The following CABIN1 variants were observed in gnomAD, a reference collection of about 807,000 sequenced individuals.
The protein encoded by CABIN1 is calcineurin-binding protein cabin-1.
A neutral mutation model predicts 227.7 loss-of-function variants in CABIN1; 133 were observed. The ratio of observed to expected loss-of-function variants is 0.58; its 90% CI spans 0.51 to 0.67. The LOEUF is 0.67. CABIN1 is among the 30% of genes least tolerant of loss of function. The pLI is 0.00. For missense variants in CABIN1, 2,408 were observed against 2,852.5 expected (o/e 0.84, Z 3.55); for synonymous variants, 1,086 against 1,155.1 (o/e 0.94, Z 1.21).
chr22:24,030,471 AGGAT>A (rs1367178926), intron 1 of CABIN1, among the ~76,000 whole-genome samples: 2 of 152,216 alleles, frequency 1.3e-5, no homozygotes, highest in African/African-American at 2.4e-5. Context: ...GTAAATGTCT[AGGAT>A]GGACTGGAGA....
chr22:24,065,011 C>T (rs1456924230), intron 15 of CABIN1, among the ~76,000 whole-genome samples: 4 of 152,198 alleles, frequency 2.6e-5, no homozygotes, highest in Non-Finnish European at 4.4e-5. Context: ...CATCATGGCC[C>T]GTTCTCAATG....
intron 3 of CABIN1, among the ~76,000 whole-genome samples, chr22:24,037,867 G>T (rs1337964621): frequency 6.6e-6 from 1 of 152,102 alleles, no homozygotes; most frequent in Non-Finnish European, 1.5e-5. Flanking sequence ...TAAAATCAGG[G>T]ATTCTCACCC....
chr22:24,026,162 C>T (rs1329966777), intron 1 of CABIN1, among the ~76,000 whole-genome samples: 1 of 152,002 alleles, frequency 6.6e-6, no homozygotes, highest in Non-Finnish European at 1.5e-5. Flanking sequence ...TTTGTAGAAA[C>T]GAGGTCTCAC....
intron 33 of CABIN1, 92 bp from the exon 34 acceptor site, chr22:24,171,621 C>T: frequency 1.4e-6 from 2 of 1,471,172 alleles, no homozygotes; most frequent in Non-Finnish European, 1.9e-6. Flanking sequence ...CACAGGATGT[C>T]CTGTGGGACA....
chr22:24,031,872 A>G (rs1387234585), intron 1 of CABIN1, among the ~76,000 whole-genome samples: 2 of 152,218 alleles, frequency 1.3e-5, no homozygotes, highest in African/African-American at 2.4e-5. Flanking sequence ...ACCAGAGCCT[A>G]TCTGAGACTT....
intron 27 of CABIN1, 40 bp downstream of exon 27, chr22:24,113,788 G>A: frequency 6.2e-7 from 1 of 1,608,158 alleles, no homozygotes; most frequent in Non-Finnish European, 8.5e-7. Context: ...CCACTTTGAT[G>A]TCCTGTGGCA....
At chr22:24,122,662 C>G (rs1289535641) in intron 28 of CABIN1, among the ~76,000 whole-genome samples, 1 of 151,994 alleles carries the variant, frequency 6.6e-6, no homozygotes, top group Non-Finnish European at 1.5e-5. Context: ...GAGCCGAGAT[C>G]ACGTCATTTC....
At chr22:24,042,874 G>GTTCAAGGAGAGATCTGAC (rs2037527791) in intron 5 of CABIN1, 30 bp from the exon 6 acceptor site, 1 of 1,387,076 alleles carries the variant, frequency 7.2e-7, no homozygotes, top group African/African-American at 1.5e-5. Flanking sequence ...GTGTGTGTGT[G>GTTCAAGGAGAGATCTGAC]TGTTTGCCCT....
Position 24,036,075 on chromosome 22 carries a change from A to C in CABIN1, c.4-14A>C. 1 of 1,594,446 alleles carries C rather than the reference A, an allele frequency of 6.3e-7. No homozygotes were observed. The highest frequency in any genetic ancestry group is 8.6e-7 in the Non-Finnish European group (1 of 1,162,652). On this transcript the variant is annotated splice_polypyrimidine_tract_variant and intron_variant, in intron 2 of 36. Transcript: ENST00000263119. ...CAAAGCAACTTGTCTCTTCCACCAA[A>C]CCCCTGTTTCTAGATTCGAATTGCA...
rs1290113645 is a variant in CABIN1 at position 24,061,982 on chromosome 22, C to T, written c.1653C>T (p.Leu551=). ...TGATGTCTCTCTCCTGCATGGAACT[C>T]CAGCTGGACCAGTGGCTGCTGACCA... is the stretch of plus-strand genomic sequence containing the variant. ...MMLMSLSCME[L]QLDQWLLTKG... The change falls in exon 13 of 37, where the codon CTC becomes CTT. Residue 551 remains leucine (L), a synonymous_variant. Coordinates refer to ENST00000263119, the MANE Select transcript of CABIN1 (RefSeq NM_012295.4). The T allele has an allele frequency of 1.2e-6, 2 of 1,614,092 alleles. No homozygotes were observed. The highest frequency in any genetic ancestry group is 1.7e-5 in the Admixed American group (1 of 60,026).
intron 18 of CABIN1, among the ~76,000 whole-genome samples, chr22:24,073,197 T>TA (rs2040213842): frequency 6.6e-6 from 1 of 152,124 alleles, no homozygotes; most frequent in Non-Finnish European, 1.5e-5. Flanking sequence ...GTACTGCAGC[T>TA]AAATGACACT....
intron 1 of CABIN1, among the ~76,000 whole-genome samples, chr22:24,028,705 A>G (rs575413199): frequency 6.6e-6 from 1 of 152,178 alleles, no homozygotes; most frequent in East Asian, 1.9e-4. Flanking sequence ...CACAGGAAGC[A>G]CTTTGTTTTC....
In CABIN1 at chr22:24,056,275, C is replaced by T; in HGVS notation, c.1177C>T (p.Arg393Trp). The T allele has an allele frequency of 1.2e-6, 2 of 1,613,888 alleles. No homozygotes were observed. The highest frequency in any genetic ancestry group is 1.7e-6 in the Non-Finnish European group (2 of 1,179,872). ...SEESGETAKR[R>W]SARVRNTKCK... Reference sequence around the variant, plus strand: ...AGAGAGTGGAGAAACAGCAAAGCGGCGGTCTGCCCGTGTCCGAAACACCAA... The same window carrying T: ...AGAGAGTGGAGAAACAGCAAAGCGGTGGTCTGCCCGTGTCCGAAACACCAA... Residue 393 changes from arginine (R) to tryptophan (W), a missense_variant, in exon 10 of 37, where the codon CGG becomes TGG. By Grantham distance (101) the Arg-to-Trp change is moderately radical. This residue lies in a region of CABIN1 where 1,045 missense variants were observed against 1,168.4 expected (regional missense o/e 0.89). Transcript: ENST00000263119.
intron 31 of CABIN1, 121 bp from the exon 32 acceptor site, chr22:24,166,518 T>C (rs1218271471): frequency 8.2e-7 from 1 of 1,217,860 alleles, no homozygotes; most frequent in East Asian, 2.3e-5. Flanking sequence ...AGCTGGCAGA[T>C]GTCCGGAGCC....
chr22:24,044,724 A>G (rs980695140), intron 6 of CABIN1, among the ~76,000 whole-genome samples: 1 of 152,172 alleles, frequency 6.6e-6, no homozygotes, highest in Admixed American at 6.5e-5. Flanking sequence ...AATTCAGCCA[A>G]GTGCTTTGCT....
chr22:24,063,034 G>A lies in CABIN1; in HGVS notation c.1772G>A (p.Gly591Asp). 1 of 1,614,198 alleles carries A rather than the reference G, an allele frequency of 6.2e-7. No individual in the cohort carries two copies. Among genetic ancestry groups the A allele is most frequent in the East Asian group, 2.2e-5 (1 of 44,882 alleles). The change falls in exon 14 of 37, where the codon GGT (glycine) becomes GAT (aspartate). Residue 591 changes from glycine (G) to aspartate (D), a missense_variant. Around this residue, in one of 3 missense-constraint regions of CABIN1, gnomAD observed 1,045 missense variants for 1,168.4 expected, o/e 0.89. Coordinates refer to ENST00000263119, the MANE Select transcript of CABIN1 (RefSeq NM_012295.4). ...GACTTCCCAGGGACCCACTGCCTGG[G>A]TGACCTCCTACAGCTGTCATTTGCC... ...GPDFPGTHCL[G>D]DLLQLSFASS...
chr22:24,109,660 T>C (rs182575481), intron 26 of CABIN1, among the ~76,000 whole-genome samples: 1 of 152,304 alleles, frequency 6.6e-6, no homozygotes, highest in African/African-American at 2.4e-5. Context: ...TAGGGGACTG[T>C]GTCTGCCTTT....
chr22:24,063,630 A>T lies in CABIN1; in HGVS notation c.1885-405A>T, dbSNP rs187212465. Among the ~76,000 whole-genome samples the T allele has an allele frequency of 7.0e-4, 106 of 152,316 alleles. No homozygotes were observed. In the Middle Eastern group the frequency reaches 0.017, roughly 25 times the overall value. The stretch of plus-strand genomic sequence containing the variant: ...TACCTAGCACCTTGCACATGGTGGT[A>T]CTGGTACACTGTGGTAGAATGAGTC... On this transcript the variant is annotated intron_variant, in intron 14 of 36. Transcript: ENST00000263119.
intron 19 of CABIN1, among the ~76,000 whole-genome samples, chr22:24,082,013 C>T (rs1441450028): frequency 6.6e-6 from 1 of 151,602 alleles, no homozygotes; most frequent in African/African-American, 2.4e-5. Context: ...GGCGACGGAG[C>T]GAGACTCCAT....
Sources: gnomAD v4.1 joint callset for allele counts (sites outside exome capture counted in the v4.1 genomes callset) on GRCh38, gnomAD v4.1.1 for gene constraint, gnomAD v4.1.1 regional missense constraint, MANE v1.5 for transcripts, NCBI Gene and HGNC (gene_info 2026-07-23, HGNC 2026-07-21) for gene names.